Variants in PLEKHA5 observed in about 807,000 individuals in gnomAD.
PLEKHA5 encodes the protein pleckstrin homology domain containing A5.
A neutral mutation model predicts 181.9 loss-of-function variants in PLEKHA5; 55 were observed. That is an observed-to-expected ratio of 0.30 (90% CI 0.24 to 0.38). PLEKHA5 has a LOEUF of 0.38. Ranked by LOEUF, PLEKHA5 falls within the 10% of genes least tolerant of loss-of-function variation. The probability of loss-of-function intolerance (pLI) is 1.00; values close to 1 mark genes in which losing one functional copy is unlikely to be tolerated. For missense variants in PLEKHA5, 1,432 were observed against 1,549.5 expected, an observed-to-expected ratio of 0.92 and a Z score of 1.27; for synonymous variants, 535 against 529.4, an observed-to-expected ratio of 1.01 and a Z score of -0.15.
chr12:19,339,337 G>A lies in PLEKHA5; in HGVS notation c.2550+2721G>A, dbSNP rs182007093. Among the ~76,000 whole-genome samples the A allele has an allele frequency of 9.9e-5, 15 of 152,166 alleles. No homozygotes were observed. The East Asian group carries it at 1.9e-3, about 20-fold the overall frequency. On this transcript the variant is annotated intron_variant, in intron 21 of 31. Transcript: ENST00000429027. Reference sequence around the variant, plus strand: ...ATTACAGGCATGAGCCACCGTGCCCGGCTATAACTTCTTAAAAATAGTAAA... The same window carrying A: ...ATTACAGGCATGAGCCACCGTGCCCAGCTATAACTTCTTAAAAATAGTAAA...
At chr12:19,311,353 G>A (rs1036768288) in intron 15 of PLEKHA5, among the ~76,000 whole-genome samples, 1 of 151,168 alleles carries the variant, frequency 6.6e-6, no homozygotes, top group Non-Finnish European at 1.5e-5. Flanking sequence ...CGGCAGGATC[G>A]CTTGAGCCCA....
Position 19,265,870 on chromosome 12 carries a change from T to A in PLEKHA5, c.711+20T>A, listed in dbSNP as rs1369877360. The A allele has an allele frequency of 7.3e-7, 1 of 1,365,152 alleles. No homozygotes were observed. Among genetic ancestry groups the A allele is most frequent in the Non-Finnish European group, 1.0e-6 (1 of 962,950 alleles). The allele number at this position is 1,365,152 out of a possible 1,614,324, so 84.6% of individuals were successfully genotyped here. On this transcript the variant is annotated intron_variant, in intron 8 of 31. Coordinates refer to ENST00000429027, the MANE Select transcript of PLEKHA5 (RefSeq NM_001256470.2). ...TTTAAGGTAAGGAAATAATGCAGTT[T>A]TTAATTCTGTGTTCAAAACTTGCGT... is the stretch of plus-strand genomic sequence containing the variant.
intron 15 of PLEKHA5, among the ~76,000 whole-genome samples, chr12:19,313,557 G>A (rs953703374): frequency 8.5e-5 from 13 of 152,078 alleles, no homozygotes; most frequent in East Asian, 1.9e-4. Flanking sequence ...GTCAAAAGTC[G>A]TTGATGTATA....
In PLEKHA5 at chr12:19,343,365, C is replaced by G; in HGVS notation, c.2593C>G (p.Leu865Val). The G allele has an allele frequency of 6.2e-7, 1 of 1,613,770 alleles. No homozygotes were observed. Among genetic ancestry groups the G allele is most frequent in the Middle Eastern group, 1.6e-4 (1 of 6,062 alleles). The change falls in exon 22 of 32, where the codon CTT becomes GTT. Residue 865 changes from leucine (L) to valine (V), a missense_variant. Physicochemically the swap from Leu to Val is conservative, Grantham distance 32. Around this residue, in one of 2 missense-constraint regions of PLEKHA5, gnomAD observed 1,143 missense variants for 1,168.4 expected, o/e 0.98. Coordinates refer to ENST00000429027, the MANE Select transcript of PLEKHA5 (RefSeq NM_001256470.2). ...GIQRAQIQKE[L>V]WRIQDVMEGL... ...TCAGCGTGCACAGATTCAGAAAGAA[C>G]TTTGGCGAATTCAGGATGTCATGGA...
At chr12:19,240,660 C>T (rs117129787) in intron 3 of PLEKHA5, among the ~76,000 whole-genome samples, 1,515 of 150,778 alleles carry the variant, frequency 0.01, 12 homozygotes, top group Middle Eastern at 0.021. Flanking sequence ...TTTTAAGAGA[C>T]AGGGCCTTTC....
chr12:19,176,136 T>C (rs2047142160), intron 3 of PLEKHA5, among the ~76,000 whole-genome samples: 1 of 152,000 alleles, frequency 6.6e-6, no homozygotes, highest in South Asian at 2.1e-4. Context: ...GATAACAAGA[T>C]ACAATGTTGT....
chr12:19,268,321 C>T (rs1275933441), intron 8 of PLEKHA5, among the ~76,000 whole-genome samples: 1 of 152,046 alleles, frequency 6.6e-6, no homozygotes, highest in Non-Finnish European at 1.5e-5. Flanking sequence ...AAATGTTTAT[C>T]AATTTATGCT....
chr12:19,310,852 A>G (rs1428786481), intron 15 of PLEKHA5, among the ~76,000 whole-genome samples: 1 of 152,126 alleles, frequency 6.6e-6, no homozygotes, highest in Non-Finnish European at 1.5e-5. Context: ...AATGTGCAAT[A>G]GCATTATGTC....
intron 3 of PLEKHA5, among the ~76,000 whole-genome samples, chr12:19,188,027 A>G (rs1454923944): frequency 6.6e-6 from 1 of 152,186 alleles, no homozygotes; most frequent in Non-Finnish European, 1.5e-5. Context: ...TCAAGCAATG[A>G]AAACCATTTT....
At chr12:19,153,016 T>C (rs903244003) in intron 3 of PLEKHA5, 6 of 151,410 alleles carry the variant, frequency 4.0e-5, no homozygotes, top group African/African-American at 1.5e-4. Flanking sequence ...TTTTTTGTTG[T>C]TTTTAATTCC....
At chr12:19,133,545 G>T (rs1445649956) in intron 3 of PLEKHA5, among the ~76,000 whole-genome samples, 4 of 151,898 alleles carry the variant, frequency 2.6e-5, no homozygotes, top group Non-Finnish European at 5.9e-5. Flanking sequence ...ATTGAGCCTA[G>T]AAAGTTATTT....
intron 3 of PLEKHA5, among the ~76,000 whole-genome samples, chr12:19,142,374 A>C (rs1221224452): frequency 6.6e-6 from 1 of 152,160 alleles, no homozygotes; most frequent in Non-Finnish European, 1.5e-5. Context: ...ATCTCTAAAA[A>C]AATTTTTTTA....
At chr12:19,184,560 C>A (rs1169834278) in intron 3 of PLEKHA5, among the ~76,000 whole-genome samples, 1 of 152,064 alleles carries the variant, frequency 6.6e-6, no homozygotes, top group Non-Finnish European at 1.5e-5. Context: ...GAAAGCATAC[C>A]CCTGTCTTGT....
intron 3 of PLEKHA5, among the ~76,000 whole-genome samples, chr12:19,250,251 G>T (rs2064912360): frequency 6.6e-6 from 1 of 152,176 alleles, no homozygotes. Context: ...GACAAGGTGG[G>T]AATTAGTTTG....
intron 26 of PLEKHA5, among the ~76,000 whole-genome samples, chr12:19,357,170 C>G (rs2094982530): frequency 6.6e-6 from 1 of 151,712 alleles, no homozygotes; most frequent in Admixed American, 6.6e-5. Flanking sequence ...ATTCAGTTTT[C>G]TCTTTCAGGG....
intron 21 of PLEKHA5, among the ~76,000 whole-genome samples, chr12:19,342,637 A>G (rs1315188211): frequency 6.6e-6 from 1 of 152,028 alleles, no homozygotes; most frequent in Non-Finnish European, 1.5e-5. Context: ...TACAAAAATT[A>G]TGGCATAGCA....
At chr12:19,231,434 T>C (rs2060521875) in intron 3 of PLEKHA5, among the ~76,000 whole-genome samples, 1 of 149,750 alleles carries the variant, frequency 6.7e-6, no homozygotes. Context: ...TTCACATAAA[T>C]ATGTGCAATT....
rs572202571 is a variant in PLEKHA5, at chr12:19,355,871, C to G, written c.3138+1869C>G. Among the ~76,000 whole-genome samples, 7 of 151,920 alleles carry G rather than the reference C, an allele frequency of 4.6e-5. No homozygotes were observed. The South Asian group carries it at 1.5e-3, about 32-fold the overall frequency. ...GACTACAAAAAGTGCATGTTAAAAT[C>G]AAGCAGAGGCCAGGTGCTGTAGCTT... On this transcript the variant is annotated intron_variant, in intron 26 of 31. Coordinates refer to ENST00000429027, the MANE Select transcript of PLEKHA5 (RefSeq NM_001256470.2).
At chr12:19,177,327 G>T (rs773128291) in intron 3 of PLEKHA5, among the ~76,000 whole-genome samples, 9 of 152,154 alleles carry the variant, frequency 5.9e-5, no homozygotes, top group Admixed American at 2.0e-4. Context: ...TAGTACTAGT[G>T]ATTACAATTA....
Sources: allele counts gnomAD v4.1 joint callset (sites outside exome capture counted in the v4.1 genomes callset), GRCh38; gene constraint gnomAD v4.1.1; regional missense constraint gnomAD v4.1.1; transcripts MANE v1.5; gene names NCBI Gene and HGNC (gene_info 2026-07-23, HGNC 2026-07-21).